NR1D2: variants seen among roughly 807,000 people sequenced by gnomAD.
NR1D2 encodes the protein nuclear receptor subfamily 1 group D member 2.
In NR1D2, 25 loss-of-function variants were observed where a neutral mutation model predicts 52.2. That is an observed-to-expected ratio of 0.48 (90% CI 0.35 to 0.67). The LOEUF (loss-of-function observed/expected upper bound fraction) is 0.67. NR1D2 is among the 30% of genes least tolerant of loss of function. The probability of loss-of-function intolerance (pLI) is 0.01; values close to 1 mark genes in which losing one functional copy is unlikely to be tolerated. For missense variants in NR1D2, 681 were observed against 707.2 expected (o/e 0.96, Z 0.42); for synonymous variants, 259 against 230.1 (o/e 1.13, Z -1.14).
At chr3:23,974,723 T>C (rs1039111464) in intron 7 of NR1D2, among the ~76,000 whole-genome samples, 3 of 152,202 alleles carry the variant, frequency 2.0e-5, no homozygotes, top group African/African-American at 7.2e-5. Flanking sequence ...TAATTTATGA[T>C]TGACCAAAGT....
Position 23,945,519 on chromosome 3 carries a change from G to A in NR1D2, c.-60G>A, listed in dbSNP as rs1226107711. The A allele has an allele frequency of 2.8e-6, 3 of 1,082,012 alleles. No individual in the cohort carries two copies. The African/African-American group carries it at 5.1e-5, about 18-fold the overall frequency. 67.0% of individuals were successfully genotyped at this position (1,082,012 alleles called of 1,614,324 possible). On this transcript the variant is annotated 5_prime_UTR_variant, in exon 1 of 8. Coordinates refer to ENST00000312521, the MANE Select transcript of NR1D2 (RefSeq NM_005126.5). ...GGGGCGGCGCGGCGCTGAGGCGGCG[G>A]CGGCGGCGCTGCCCCCTCTGCGGGA...
intron 1 of NR1D2, among the ~76,000 whole-genome samples, chr3:23,949,165 A>T (rs938664042): frequency 6.6e-6 from 1 of 152,194 alleles, no homozygotes; most frequent in African/African-American, 2.4e-5. Flanking sequence ...CAGGAGTTCG[A>T]GACCAGCCTG....
chr3:23,974,681 A>C (rs544002050), intron 7 of NR1D2, among the ~76,000 whole-genome samples: 1 of 152,170 alleles, frequency 6.6e-6, no homozygotes, highest in Non-Finnish European at 1.5e-5. Context: ...GGACTCTTCA[A>C]ATCATTACTG....
At chr3:23,961,219 T>C (rs571141398) in intron 4 of NR1D2, among the ~76,000 whole-genome samples, 1 of 152,086 alleles carries the variant, frequency 6.6e-6, no homozygotes, top group African/African-American at 2.4e-5. Context: ...GTTCAGGGAA[T>C]GATTTCACCT....
At position 23,979,603 on chromosome 3, in the gene NR1D2, A is replaced by C. The variant is rs1456260518; in HGVS notation, c.*2184A>C. 1 of 152,092 alleles carries C rather than the reference A, an allele frequency of 6.6e-6. No individual in the cohort carries two copies. Among genetic ancestry groups the C allele is most frequent in the African/African-American group, 2.4e-5 (1 of 41,456 alleles). The allele number at this position is 152,092 out of a possible 1,614,324, so 9.4% of individuals were successfully genotyped here. A position where few individuals can be genotyped will look rare whatever the true frequency, so the allele number is the denominator to read the frequency against. ...ATATAGATTTGCATTTTGTCTTGTA[A>C]AATTTTATTTGAATAAATTCTTCCT... is the stretch of plus-strand genomic sequence containing the variant. On this transcript the variant is annotated 3_prime_UTR_variant, in exon 8 of 8. Coordinates refer to ENST00000312521, the MANE Select transcript of NR1D2 (RefSeq NM_005126.5).
intron 1 of NR1D2, among the ~76,000 whole-genome samples, chr3:23,948,429 G>A (rs1705835184): frequency 6.6e-6 from 1 of 152,184 alleles, no homozygotes; most frequent in South Asian, 2.1e-4. Flanking sequence ...GGTCAGTAGG[G>A]TTAAGAGATT....
At chr3:23,968,826 A>G (rs1247119098) in intron 7 of NR1D2, among the ~76,000 whole-genome samples, 1 of 152,214 alleles carries the variant, frequency 6.6e-6, no homozygotes, top group Non-Finnish European at 1.5e-5. Flanking sequence ...ATTTTTAGGC[A>G]TCATTTTATT....
chr3:23,945,939 C>G (rs1375138671), intron 1 of NR1D2, among the ~76,000 whole-genome samples: 1 of 150,436 alleles, frequency 6.6e-6, no homozygotes, highest in African/African-American at 2.4e-5. Flanking sequence ...ACATAATGGG[C>G]GCTGAGGCGG....
chr3:23,948,374 C>T lies in NR1D2; in HGVS notation c.16+2780C>T, dbSNP rs1006367921. Among the ~76,000 whole-genome samples the T allele has an allele frequency of 2.6e-5, 4 of 152,186 alleles. No individual in the cohort carries two copies. In the South Asian group the frequency reaches 8.3e-4, roughly 32 times the overall value. On this transcript the variant is annotated intron_variant, in intron 1 of 7. Coordinates refer to ENST00000312521, the MANE Select transcript of NR1D2 (RefSeq NM_005126.5). ...GGAGAGGTGGAGCAAAGAAATCTTT[C>T]CTTGGAGCAAGGAAAAGCAAGAATT... is the stretch of plus-strand genomic sequence containing the variant.
chr3:23,945,500 GCGCGGCGCTGA>G lies in NR1D2; in HGVS notation c.-78_-68del. 3 of 910,298 alleles carry G rather than the reference GCGCGGCGCTGA, an allele frequency of 3.3e-6. No homozygotes were observed. The highest frequency in any genetic ancestry group is 4.1e-6 in the Non-Finnish European group (3 of 736,832). 56.4% of individuals were successfully genotyped at this position (910,298 alleles called of 1,614,324 possible). ...CCACCGCTGCTTCCAGCCCGGGGCG[GCGCGGCGCTGA>G]GGCGGCGGCGGCGGCGCTGCCCCCT... On this transcript the variant is annotated 5_prime_UTR_variant, in exon 1 of 8. The change abolishes the stop of an existing upstream ORF in the 5' untranslated region. Coordinates refer to ENST00000312521, the MANE Select transcript of NR1D2 (RefSeq NM_005126.5).
At position 23,953,342 on chromosome 3, in the gene NR1D2, CAAAAAAAAAAAAA is replaced by C. The variant is rs55698030; in HGVS notation, c.17-1178_17-1166del. 1.3e-4 allele frequency among the ~76,000 whole-genome samples: 7 copies of C among 52,456 alleles called. No individual in the cohort carries two copies. In the East Asian group the frequency reaches 3.5e-3, roughly 26 times the overall value. The allele number at this position is 52,456 out of a possible 152,430, so 34.4% of individuals were successfully genotyped here. A position where few individuals can be genotyped will look rare whatever the true frequency, so the allele number is the denominator to read the frequency against. On this transcript the variant is annotated intron_variant, in intron 1 of 7. Coordinates refer to ENST00000312521, the MANE Select transcript of NR1D2 (RefSeq NM_005126.5). The stretch of plus-strand genomic sequence containing the variant: ...TGGGTGACAGAGTGAGACTCTGTCT[CAAAAAAAAAAAAA>C]AAAAAAAAAAAAAAAATGCCAGTTT...
At chr3:23,965,982 G>T (rs1706439487) in intron 6 of NR1D2, among the ~76,000 whole-genome samples, 1 of 152,160 alleles carries the variant, frequency 6.6e-6, no homozygotes, top group Non-Finnish European at 1.5e-5. Context: ...CTACTTTTCT[G>T]TCCCGCTTCT....
chr3:23,953,890 G>A (rs900582970), intron 1 of NR1D2, among the ~76,000 whole-genome samples: 2 of 152,208 alleles, frequency 1.3e-5, no homozygotes, highest in African/African-American at 4.8e-5. Context: ...GAGCAATGAA[G>A]TTACTTAGGA....
chr3:23,974,968 A>G (rs540565905), intron 7 of NR1D2, among the ~76,000 whole-genome samples: 5 of 152,018 alleles, frequency 3.3e-5, no homozygotes, highest in African/African-American at 9.6e-5. Flanking sequence ...ACAGATGCCA[A>G]TCACCATGCC....
Position 23,952,468 on chromosome 3 carries a change from G to T in NR1D2, c.17-2069G>T, listed in dbSNP as rs1210620033. Among the ~76,000 whole-genome samples the T allele has an allele frequency of 2.0e-5, 3 of 152,076 alleles. No individual in the cohort carries two copies. The East Asian group carries it at 5.8e-4, about 29-fold the overall frequency. ...CTCACACCTGTAATCTCAGCACTTT[G>T]GGAGGTGGAGGCGGGCGGATCATCT... On this transcript the variant is annotated intron_variant, in intron 1 of 7. Coordinates refer to ENST00000312521, the MANE Select transcript of NR1D2 (RefSeq NM_005126.5).
rs777111459 is a variant in NR1D2 at position 23,977,284 on chromosome 3, A to G, written c.1605A>G (p.Ala535=). 6.2e-7 allele frequency: 1 copy of G among 1,612,950 alleles called. No individual in the cohort carries two copies. Among genetic ancestry groups the G allele is most frequent in the Non-Finnish European group, 8.5e-7 (1 of 1,179,458 alleles). Residue 535 remains alanine (A), a synonymous_variant, in exon 8 of 8, where the codon GCA becomes GCG. Transcript: ENST00000312521. ...VEALQETLIR[A]LRTLIMKNHP... is the part of the protein sequence containing the mutation. ...CTTTGCAGGAAACTCTCATTCGTGC[A>G]CTAAGGACCTTAATAATGAAAAACC...
chr3:23,958,722 C>T (rs1055408876), intron 3 of NR1D2, among the ~76,000 whole-genome samples: 1 of 146,274 alleles, frequency 6.8e-6, no homozygotes, highest in African/African-American at 2.6e-5. Context: ...CCAAGGTGGG[C>T]GGATCAGTTG....
In NR1D2 at chr3:23,962,522, T is replaced by C; in HGVS notation, c.1063T>C (p.Cys355Arg). The change falls in exon 5 of 8, where the codon TGT (cysteine) becomes CGT (arginine). Residue 355 changes from cysteine (C) to arginine (R), a missense_variant. This residue lies in a region of NR1D2 where 475 missense variants were observed against 454.5 expected (regional missense o/e 1.05). Coordinates refer to ENST00000312521, the MANE Select transcript of NR1D2 (RefSeq NM_005126.5). Reference protein sequence around the residue: ...NFSNAYTQRVCDRVPIDGFSQ... With the variant: ...NFSNAYTQRVRDRVPIDGFSQ... ...CTCCAATGCTTATACTCAAAGAGTA[T>C]GTGATAGAGTTCCGATAGATGGATT... The C allele has an allele frequency of 1.2e-6, 2 of 1,614,096 alleles. No individual in the cohort carries two copies. Among genetic ancestry groups the C allele is most frequent in the Non-Finnish European group, 1.7e-6 (2 of 1,179,938 alleles).
chr3:23,963,215 A>C lies in NR1D2; in HGVS notation c.1146+610A>C, dbSNP rs561988273. Reference sequence around the variant, plus strand: ...ATTTTTCCATCAAATACGACATTCTACATCAAAGTACAGTGTTCATATTCA... The same window carrying C: ...ATTTTTCCATCAAATACGACATTCTCCATCAAAGTACAGTGTTCATATTCA... On this transcript the variant is annotated intron_variant, in intron 5 of 7. Transcript: ENST00000312521. 2.3e-4 allele frequency: 287 copies of C among 1,273,598 alleles called. 2 individuals are homozygous for C. The Admixed American group carries it at 5.4e-3, about 24-fold the overall frequency. The allele number at this position is 1,273,598 out of a possible 1,614,324, so 78.9% of individuals were successfully genotyped here.
Sources: gnomAD v4.1 joint callset for allele counts (sites outside exome capture counted in the v4.1 genomes callset) on GRCh38, gnomAD v4.1.1 for gene constraint, gnomAD v4.1.1 regional missense constraint, MANE v1.5 for transcripts, NCBI Gene and HGNC (gene_info 2026-07-23, HGNC 2026-07-21) for gene names.